The following NAA16 variants were observed in gnomAD, a reference collection of about 807,000 sequenced individuals.
NAA16 encodes NARG1-like protein.
Under a neutral mutation model 110.3 loss-of-function variants are expected in NAA16, and 97 were observed. That is an observed-to-expected ratio of 0.88 (90% CI 0.75 to 1.04). NAA16 has a LOEUF of 1.04. NAA16 is among the 50% of genes least tolerant of loss of function. NAA16 has a pLI of 0.00. For missense variants in NAA16, 1,017 were observed against 1,005.1 expected, an observed-to-expected ratio of 1.01 and a Z score of -0.16; for synonymous variants, 372 against 330.6, an observed-to-expected ratio of 1.13 and a Z score of -1.36.
chr13:41,342,865 T>C (rs1374324938), intron 9 of NAA16, among the ~76,000 whole-genome samples: 1 of 152,236 alleles, frequency 6.6e-6, no homozygotes, highest in African/African-American at 2.4e-5. Context: ...TGTTGGCATT[T>C]GTGTAAGTTT....
chr13:41,348,618 T>G (rs1317292560), intron 9 of NAA16, among the ~76,000 whole-genome samples: 6 of 152,234 alleles, frequency 3.9e-5, no homozygotes, highest in Non-Finnish European at 8.8e-5. Flanking sequence ...TTTCATGTCT[T>G]TATCAGATTT....
At chr13:41,346,195 G>A (rs2042676815) in intron 9 of NAA16, among the ~76,000 whole-genome samples, 1 of 152,130 alleles carries the variant, frequency 6.6e-6, no homozygotes, top group Non-Finnish European at 1.5e-5. Context: ...ATTCTTTTGT[G>A]TGTGACTATC....
intron 9 of NAA16, among the ~76,000 whole-genome samples, chr13:41,350,606 TG>T (rs370453657): frequency 0.033 from 649 of 19,476 alleles, 15 homozygotes; most frequent in African/African-American, 0.15. Flanking sequence ...AGTTTTTTTT[TG>T]TTTTTTTTTT....
chr13:41,324,074 AATAGT>A (rs2042020648), intron 5 of NAA16, among the ~76,000 whole-genome samples: 1 of 152,096 alleles, frequency 6.6e-6, no homozygotes, highest in Non-Finnish European at 1.5e-5. Flanking sequence ...TGAAATCTTA[AATAGT>A]ATCTTCTATT....
At chr13:41,323,898 A>G (rs981542440) in intron 5 of NAA16, among the ~76,000 whole-genome samples, 1 of 150,836 alleles carries the variant, frequency 6.6e-6, no homozygotes, top group Non-Finnish European at 1.5e-5. Flanking sequence ...TCTCTTTTCC[A>G]CTCCTCTGTT....
chr13:41,362,434 G>A (rs1373109698), intron 13 of NAA16: 1 of 350,060 alleles, frequency 2.9e-6, no homozygotes, highest in South Asian at 2.8e-5. Context: ...CAAAATTTAT[G>A]TTCCCTAATT....
chr13:41,320,971 A>T, intron 4 of NAA16, 147 bp downstream of exon 4: 2 of 678,528 alleles, frequency 2.9e-6, no homozygotes, highest in Non-Finnish European at 4.6e-6. Flanking sequence ...CTTCCTTCTC[A>T]GTCATAGTTG....
chr13:41,335,564 T>G (rs2139427651), intron 8 of NAA16, among the ~76,000 whole-genome samples: 1 of 152,290 alleles, frequency 6.6e-6, no homozygotes, highest in South Asian at 2.1e-4. Context: ...CAGGATGAAG[T>G]TTTATGTTGT....
intron 6 of NAA16, among the ~76,000 whole-genome samples, chr13:41,327,694 G>A (rs1046768402): frequency 7.1e-6 from 1 of 141,524 alleles, no homozygotes. Context: ...GGATAAGCAG[G>A]GTAAAAATTG....
intron 9 of NAA16, among the ~76,000 whole-genome samples, chr13:41,341,111 T>G (rs1039972400): frequency 2.6e-5 from 4 of 152,214 alleles, no homozygotes; most frequent in Admixed American, 1.3e-4. Flanking sequence ...TGCGATGTGG[T>G]GCTGAGAAGA....
rs1397714388 is a variant in NAA16, at chr13:41,375,699, T to A, written c.*97T>A. ...TTTAATATACGTATGAAATGAAATA[T>A]TTGGTTAGGATTTTTAAATGGCATA... On this transcript the variant is annotated 3_prime_UTR_variant, in exon 20 of 20. Coordinates refer to ENST00000379406, the MANE Select transcript of NAA16 (RefSeq NM_024561.5). The A allele has an allele frequency of 1.1e-6, 1 of 934,846 alleles. No individual in the cohort carries two copies. The highest frequency in any genetic ancestry group is 1.7e-5 in the African/African-American group (1 of 60,176). 57.9% of individuals were successfully genotyped at this position (934,846 alleles called of 1,614,324 possible). A position where few individuals can be genotyped will look rare whatever the true frequency, so the allele number is the denominator to read the frequency against.
rs537411646 is a variant in NAA16 at position 41,336,621 on chromosome 13, A to C, written c.908-29A>C. The C allele has an allele frequency of 1.7e-4, 231 of 1,325,924 alleles. 1 individual carries two copies. The South Asian group carries it at 2.8e-3, about 16-fold the overall frequency. 82.1% of individuals were successfully genotyped at this position (1,325,924 alleles called of 1,614,324 possible). ...TTTAAGAATTGTTTGCGTGAACCAA[A>C]GAATAACAAAGTACGCTTTTGTTTC... On this transcript the variant is annotated intron_variant, in intron 8 of 19. Coordinates refer to ENST00000379406, the MANE Select transcript of NAA16 (RefSeq NM_024561.5).
chr13:41,348,808 T>C (rs1844622766), intron 9 of NAA16, among the ~76,000 whole-genome samples: 1 of 152,174 alleles, frequency 6.6e-6, no homozygotes, highest in Non-Finnish European at 1.5e-5. Flanking sequence ...TAGTTTTTTA[T>C]TATGTATTCA....
At chr13:41,361,881 A>G in intron 12 of NAA16, 150 bp from the exon 13 acceptor site, 1 of 779,830 alleles carries the variant, frequency 1.3e-6, no homozygotes, top group Non-Finnish European at 1.9e-6. Flanking sequence ...AGACTATTGT[A>G]GTATAAAACC....
chr13:41,322,425 G>A (rs1213265383), intron 4 of NAA16, among the ~76,000 whole-genome samples: 1 of 152,156 alleles, frequency 6.6e-6, no homozygotes, highest in Non-Finnish European at 1.5e-5. Flanking sequence ...TGAATGGGGT[G>A]GAGGAGAAAA....
chr13:41,349,322 A>G (rs1428554980), intron 9 of NAA16, among the ~76,000 whole-genome samples: 1 of 151,926 alleles, frequency 6.6e-6, no homozygotes, highest in African/African-American at 2.4e-5. Flanking sequence ...AGTAGCTGGG[A>G]CTACAGGCAT....
In NAA16 at chr13:41,320,796, T is replaced by A; in HGVS notation, c.374T>A (p.Ile125Asn). ...TTGAGGGATCTCTCACTGTTGCAGA[T>A]CCAAATGAGAGACCTTGAAGGTTAC... is the stretch of plus-strand genomic sequence containing the variant. ...QILRDLSLLQ[I>N]QMRDLEGYRE... is the part of the protein sequence containing the mutation. Residue 125 changes from isoleucine (I) to asparagine (N), a missense_variant, in exon 4 of 20, where the codon ATC (isoleucine) becomes AAC (asparagine). Coordinates refer to ENST00000379406, the MANE Select transcript of NAA16 (RefSeq NM_024561.5). 2 of 1,610,776 alleles carry A rather than the reference T, an allele frequency of 1.2e-6. No homozygotes were observed. Among genetic ancestry groups the A allele is most frequent in the Non-Finnish European group, 1.7e-6 (2 of 1,179,168 alleles).
At chr13:41,317,924 C>A (rs1436928832) in intron 2 of NAA16, among the ~76,000 whole-genome samples, 2 of 152,124 alleles carry the variant, frequency 1.3e-5, no homozygotes, top group African/African-American at 4.8e-5. Flanking sequence ...TTTTTGTTGC[C>A]ACTACCATCA....
At chr13:41,333,004 G>A (rs556336011) in intron 8 of NAA16, among the ~76,000 whole-genome samples, 1 of 152,108 alleles carries the variant, frequency 6.6e-6, no homozygotes, top group Non-Finnish European at 1.5e-5. Context: ...AAGTCCAAGT[G>A]GATATTAATA....
Sources: gnomAD v4.1 joint callset for allele counts (sites outside exome capture counted in the v4.1 genomes callset) on GRCh38, gnomAD v4.1.1 for gene constraint, MANE v1.5 for transcripts, NCBI Gene and HGNC (gene_info 2026-07-23, HGNC 2026-07-21) for gene names.